The following CDYL2 variants were observed in gnomAD, a reference collection of about 807,000 sequenced individuals.
CDYL2 encodes chromodomain Y-like protein 2.
A neutral mutation model predicts 49.4 loss-of-function variants in CDYL2; 23 were observed. The ratio of observed to expected loss-of-function variants is 0.47; its 90% CI spans 0.34 to 0.66. CDYL2 has a LOEUF of 0.66. CDYL2 is among the 30% of genes least tolerant of loss of function. The pLI is 0.01. For synonymous variants in CDYL2, 360 were observed against 268.8 expected (o/e 1.34, Z -3.32); for missense variants, 678 against 656.4 (o/e 1.03, Z -0.36).
At chr16:80,687,248 T>C (rs1295586453) in intron 1 of CDYL2, among the ~76,000 whole-genome samples, 1 of 152,226 alleles carries the variant, frequency 6.6e-6, no homozygotes, top group African/African-American at 2.4e-5. Context: ...GGATGTGGTG[T>C]ATTCTCATGG....
rs1451513286 is a variant in CDYL2 at position 80,771,534 on chromosome 16, T to C, written c.24+32616A>G. 2.0e-5 allele frequency among the ~76,000 whole-genome samples: 3 copies of C among 152,144 alleles called. No individual in the cohort carries two copies. The East Asian group carries it at 5.8e-4, about 29-fold the overall frequency. ...GCCTGGCCAACATGGTGAAACCCCG[T>C]ATCTACCAAAAAATACAAAAATTAG... is the stretch of plus-strand genomic sequence containing the variant. On this transcript the variant is annotated intron_variant, in intron 1 of 6. Transcript: ENST00000570137.
chr16:80,740,901 G>A (rs1405597562), intron 1 of CDYL2, among the ~76,000 whole-genome samples: 1 of 150,724 alleles, frequency 6.6e-6, no homozygotes, highest in Non-Finnish European at 1.5e-5. Flanking sequence ...TGGATGGGAA[G>A]TTTCATTACT....
At chr16:80,670,546 G>T (rs1421845126) in intron 2 of CDYL2, among the ~76,000 whole-genome samples, 1 of 152,116 alleles carries the variant, frequency 6.6e-6, no homozygotes, top group Non-Finnish European at 1.5e-5. Flanking sequence ...AGCAACTTGA[G>T]AATGGACTAA....
At chr16:80,779,607 C>G (rs1907198355) in intron 1 of CDYL2, among the ~76,000 whole-genome samples, 1 of 151,764 alleles carries the variant, frequency 6.6e-6, no homozygotes, top group Non-Finnish European at 1.5e-5. Context: ...CAAAAAAAAC[C>G]AAGTATAAAA....
intron 1 of CDYL2, among the ~76,000 whole-genome samples, chr16:80,701,894 G>C (rs774973993): frequency 5.3e-5 from 8 of 152,120 alleles, no homozygotes; most frequent in Admixed American, 3.3e-4. Context: ...TACTCAAGTA[G>C]AATATAAAGC....
At chr16:80,774,334 G>T (rs1167803468) in intron 1 of CDYL2, among the ~76,000 whole-genome samples, 1 of 145,626 alleles carries the variant, frequency 6.9e-6, no homozygotes, top group Non-Finnish European at 1.5e-5. Context: ...TTTATATGTG[G>T]AATCTAAAAA....
intron 3 of CDYL2, among the ~76,000 whole-genome samples, chr16:80,626,964 G>A (rs150990229): frequency 2.4e-4 from 36 of 152,226 alleles, no homozygotes; most frequent in African/African-American, 8.7e-4. Flanking sequence ...CACACCAACA[G>A]TAAGAGGCAC....
intron 1 of CDYL2, among the ~76,000 whole-genome samples, chr16:80,749,483 T>C (rs1906054057): frequency 6.6e-6 from 1 of 152,080 alleles, no homozygotes; most frequent in South Asian, 2.1e-4. Context: ...CCCTATTTAG[T>C]CTGTCCAGAA....
chr16:80,615,665 G>C (rs1026761316), intron 4 of CDYL2, among the ~76,000 whole-genome samples: 1 of 152,064 alleles, frequency 6.6e-6, no homozygotes, highest in African/African-American at 2.4e-5. Flanking sequence ...GCTTTCCTCT[G>C]CAGGACCCCA....
At chr16:80,758,688 A>G (rs567958940) in intron 1 of CDYL2, among the ~76,000 whole-genome samples, 428 of 150,716 alleles carry the variant, frequency 2.8e-3, no homozygotes, top group Non-Finnish European at 3.9e-3. Context: ...GACTACAGGC[A>G]CCCGCCACCA....
rs755893807 is a variant in CDYL2 at position 80,684,726 on chromosome 16, C to T, written c.428G>A (p.Gly143Asp). ...KTVSYRTTPS[G>D]LQIMPLKKSQ... Reference sequence around the variant, plus strand: ...CTTTTTCAGGGGCATTATTTGCAAACCACTGGGGGTAGTCCTGTAAGACAC... The same window carrying T: ...CTTTTTCAGGGGCATTATTTGCAAATCACTGGGGGTAGTCCTGTAAGACAC... The change falls in exon 2 of 7, where the codon GGT becomes GAT. Residue 143 changes from glycine (G) to aspartate (D), a missense_variant. By Grantham distance (94) the Gly-to-Asp change is moderately conservative. Coordinates refer to ENST00000570137, the MANE Select transcript of CDYL2 (RefSeq NM_152342.4). 7.4e-6 allele frequency: 12 copies of T among 1,614,068 alleles called. No individual in the cohort carries two copies. The highest frequency in any genetic ancestry group is 8.5e-6 in the Non-Finnish European group (10 of 1,180,056).
intron 3 of CDYL2, among the ~76,000 whole-genome samples, chr16:80,623,972 G>A (rs946591841): frequency 6.6e-6 from 1 of 152,178 alleles, no homozygotes; most frequent in Non-Finnish European, 1.5e-5. Flanking sequence ...GGATCTGAAA[G>A]TGAGCTCCTG....
At chr16:80,674,644 G>A (rs186509758) in intron 2 of CDYL2, among the ~76,000 whole-genome samples, 6 of 152,234 alleles carry the variant, frequency 3.9e-5, no homozygotes, top group Admixed American at 2.6e-4. Context: ...CCCTGGCAAC[G>A]GCTAATCTAC....
intron 2 of CDYL2, among the ~76,000 whole-genome samples, chr16:80,668,160 C>T (rs1209014916): frequency 6.6e-6 from 1 of 152,218 alleles, no homozygotes; most frequent in African/African-American, 2.4e-5. Context: ...CACCGTAAAT[C>T]CCAAGCAGCC....
At chr16:80,757,878 A>G (rs1906368887) in intron 1 of CDYL2, among the ~76,000 whole-genome samples, 1 of 152,268 alleles carries the variant, frequency 6.6e-6, no homozygotes, top group East Asian at 1.9e-4. Flanking sequence ...ACTAATAAAT[A>G]CCATTCTGAT....
intron 2 of CDYL2, among the ~76,000 whole-genome samples, chr16:80,676,591 G>A (rs1352785318): frequency 6.6e-6 from 1 of 152,178 alleles, no homozygotes; most frequent in Non-Finnish European, 1.5e-5. Flanking sequence ...CAAGTTCAGG[G>A]CAAGGAATGA....
intron 1 of CDYL2, among the ~76,000 whole-genome samples, chr16:80,766,590 G>C (rs1204758745): frequency 6.6e-6 from 1 of 152,084 alleles, no homozygotes; most frequent in Admixed American, 6.6e-5. Context: ...CAATGAGGCA[G>C]GCACTACTCT....
At chr16:80,755,365 A>G (rs1440578781) in intron 1 of CDYL2, among the ~76,000 whole-genome samples, 2 of 152,178 alleles carry the variant, frequency 1.3e-5, no homozygotes, top group Non-Finnish European at 2.9e-5. Context: ...CCCCTCAGGA[A>G]AAACAGAAAT....
intron 1 of CDYL2, among the ~76,000 whole-genome samples, chr16:80,692,065 T>C (rs1479349651): frequency 6.6e-6 from 1 of 151,234 alleles, no homozygotes; most frequent in Non-Finnish European, 1.5e-5. Flanking sequence ...CCTAGAAGAG[T>C]TAATAGAGAT....
Sources: allele counts gnomAD v4.1 joint callset (sites outside exome capture counted in the v4.1 genomes callset), GRCh38; gene constraint gnomAD v4.1.1; transcripts MANE v1.5; gene names NCBI Gene and HGNC (gene_info 2026-07-23, HGNC 2026-07-21).